The following MMP28 variants were observed in gnomAD, a reference collection of about 807,000 sequenced individuals.
MMP28 encodes matrix metallopeptidase 28.
Under a neutral mutation model 60.5 loss-of-function variants are expected in MMP28, and 55 were observed. The observed-to-expected ratio is 0.91, with a 90% CI of 0.73 to 1.14. The LOEUF is 1.14. Ranked by LOEUF, MMP28 falls within the 50% of genes most tolerant of loss-of-function variation. The pLI is 0.00. For missense variants in MMP28, 686 were observed against 738.3 expected, an observed-to-expected ratio of 0.93 and a Z score of 0.82; for synonymous variants, 318 against 312.5, an observed-to-expected ratio of 1.02 and a Z score of -0.18.
rs553177885 is a variant in MMP28, at chr17:35,784,010, C to T, written c.112-4687G>A. The stretch of plus-strand genomic sequence containing the variant: ...CTATAAAAGCACTGAAGTGGCTGTG[C>T]GTAGTCATGCCTGTAATACCAGCAC... On this transcript the variant is annotated intron_variant, in intron 1 of 7. Transcript: ENST00000605424. Among the ~76,000 whole-genome samples the T allele has an allele frequency of 2.9e-4, 44 of 152,112 alleles. 1 individual carries two copies. Among genetic ancestry groups the T allele is most frequent in the African/African-American group, 1.1e-3 (44 of 41,488 alleles).
chr17:35,782,728 C>G (rs2086540951), intron 1 of MMP28, among the ~76,000 whole-genome samples: 1 of 152,152 alleles, frequency 6.6e-6, no homozygotes, highest in African/African-American at 2.4e-5. Context: ...ATTTCCTGCT[C>G]AAAATCGTGT....
chr17:35,795,383 C>G lies in MMP28; in HGVS notation c.-6G>C. ...AGGCCGACGCGCGCGACCATCTCGC[C>G]GCCTCCGGTGCAGCCCGGCTCGGGG... On this transcript the variant is annotated 5_prime_UTR_variant, in exon 1 of 8. Transcript: ENST00000605424. 7.0e-7 allele frequency: 1 copy of G among 1,431,262 alleles called. No individual in the cohort carries two copies. Among genetic ancestry groups the G allele is most frequent in the South Asian group, 1.4e-5 (1 of 69,034 alleles). 88.7% of individuals were successfully genotyped at this position (1,431,262 alleles called of 1,614,324 possible).
intron 1 of MMP28, among the ~76,000 whole-genome samples, chr17:35,790,136 G>A (rs1053063715): frequency 4.3e-5 from 6 of 140,108 alleles, no homozygotes; most frequent in South Asian, 2.3e-4. Flanking sequence ...GCGTGATCTC[G>A]GCTCACTGCA....
Position 35,766,945 on chromosome 17 carries a change from C to T in MMP28, c.1169-51G>A. 2 of 1,504,716 alleles carry T rather than the reference C, an allele frequency of 1.3e-6. No individual in the cohort carries two copies. The highest frequency in any genetic ancestry group is 1.8e-6 in the Non-Finnish European group (2 of 1,112,238). The allele number at this position is 1,504,716 out of a possible 1,614,324, so 93.2% of individuals were successfully genotyped here. On this transcript the variant is annotated intron_variant, in intron 7 of 7. Transcript: ENST00000605424. This position sits in a 1 kb window ranked among gnomAD's most constrained non-coding sequence, Gnocchi z 4.3. The stretch of plus-strand genomic sequence containing the variant: ...TGAGCTGGAGGCTGTCACCCATTGG[C>T]CCTCTACCCCACTTCTGTCCCCCAT...
chr17:35,773,434 A>C (rs1331495846), intron 3 of MMP28, 30 bp from the exon 4 acceptor site: 3 of 1,546,320 alleles, frequency 1.9e-6, no homozygotes, highest in Non-Finnish European at 2.6e-6. Flanking sequence ...CGTCAGTCAC[A>C]CCTGCTGCAG....
At chr17:35,771,737 AT>A (rs2086158275) in intron 4 of MMP28, among the ~76,000 whole-genome samples, 8 of 72,492 alleles carry the variant, frequency 1.1e-4, no homozygotes, top group East Asian at 5.7e-4. Flanking sequence ...ATATATATAT[AT>A]ATATATATAT....
At chr17:35,775,856 A>G (rs1330070924) in intron 3 of MMP28, among the ~76,000 whole-genome samples, 1 of 152,190 alleles carries the variant, frequency 6.6e-6, no homozygotes, top group Non-Finnish European at 1.5e-5. Context: ...GGTACCTGCA[A>G]TGAGGTTGCC....
At chr17:35,785,869 T>C (rs1555610345) in intron 1 of MMP28, among the ~76,000 whole-genome samples, 2 of 152,200 alleles carry the variant, frequency 1.3e-5, no homozygotes, top group African/African-American at 4.8e-5. Context: ...TGTGCCCCAA[T>C]GTATAAAATG....
At chr17:35,759,624 C>T (rs2085780952) in intron 2 of MMP28, among the ~76,000 whole-genome samples, 2 of 152,074 alleles carry the variant, frequency 1.3e-5, no homozygotes, top group South Asian at 2.1e-4. Flanking sequence ...TTGCTTGAAC[C>T]CGGGAGGCAG....
chr17:35,764,170 G>A, downstream of MMP28: 1 of 1,548,674 alleles, frequency 6.5e-7, no homozygotes, highest in Non-Finnish European at 8.7e-7. Flanking sequence ...TAGCGGAGGA[G>A]GGCGAAGGCC....
At chr17:35,776,096 G>A (rs1412476401) in intron 3 of MMP28, among the ~76,000 whole-genome samples, 3 of 151,838 alleles carry the variant, frequency 2.0e-5, no homozygotes, top group African/African-American at 2.4e-5. Context: ...GGATGGTCTC[G>A]ATCTCCTGAC....
At chr17:35,790,181 A>G (rs1568203714) in intron 1 of MMP28, among the ~76,000 whole-genome samples, 2 of 147,488 alleles carry the variant, frequency 1.4e-5, no homozygotes, top group African/African-American at 5.1e-5. Flanking sequence ...ATTCTGCCTC[A>G]GCCTCCTGAC....
intron 4 of MMP28, 116 bp downstream of exon 4, chr17:35,773,064 G>T: frequency 1.2e-6 from 1 of 846,752 alleles, no homozygotes; most frequent in Non-Finnish European, 1.8e-6. Context: ...TCTCTGCAGG[G>T]AGATGTGCCT....
intron 1 of MMP28, among the ~76,000 whole-genome samples, chr17:35,780,068 T>TTTTA (rs1264129736): frequency 6.6e-6 from 1 of 152,102 alleles, no homozygotes; most frequent in Non-Finnish European, 1.5e-5. Flanking sequence ...TATTTATTTA[T>TTTTA]TTTATTTATT....
At chr17:35,763,566 G>A (rs899718300), downstream of MMP28, among the ~76,000 whole-genome samples, 76 of 151,280 alleles carry the variant, frequency 5.0e-4, no homozygotes, top group African/African-American at 1.7e-3. Context: ...GATTACAGGC[G>A]TGAGCCACCA....
intron 3 of MMP28, among the ~76,000 whole-genome samples, chr17:35,777,984 C>T (rs1421422405): frequency 1.3e-5 from 2 of 152,140 alleles, no homozygotes; most frequent in Admixed American, 6.5e-5. Context: ...GCTGAGATTG[C>T]GCCACTGACT....
rs774749484 is a variant in MMP28 at position 35,767,786 on chromosome 17, C to T, written c.1134G>A (p.Val378=). The change falls in exon 7 of 8, where the codon GTG becomes GTA. Residue 378 remains valine (V), a synonymous_variant. Coordinates refer to ENST00000605424, the MANE Select transcript of MMP28 (RefSeq NM_024302.5). ...GLPPNIEAAA[V]SLNDGDFYFF... Reference sequence around the variant, plus strand: ...AGTAGAAATCTCCATCATTCAATGACACTGCCGCAGCCTCAATGTTGGGGG... The same window carrying T: ...AGTAGAAATCTCCATCATTCAATGATACTGCCGCAGCCTCAATGTTGGGGG... 1.7e-5 allele frequency: 27 copies of T among 1,584,508 alleles called. 1 individual carries two copies. The Middle Eastern group carries it at 8.3e-4, about 48-fold the overall frequency.
intron 1 of MMP28, among the ~76,000 whole-genome samples, chr17:35,783,165 T>C (rs934835626): frequency 3.9e-5 from 6 of 152,218 alleles, no homozygotes; most frequent in Admixed American, 3.9e-4. Flanking sequence ...AGCCCCTCTT[T>C]CTTTATCCAC....
intron 2 of MMP28, among the ~76,000 whole-genome samples, chr17:35,759,718 CA>C (rs1243126661): frequency 6.6e-6 from 1 of 151,034 alleles, no homozygotes; most frequent in African/African-American, 2.4e-5. Context: ...ACCGCCCCCC[CA>C]AAAAAGATTC....
Sources: allele counts gnomAD v4.1 joint callset (sites outside exome capture counted in the v4.1 genomes callset), GRCh38; gene constraint gnomAD v4.1.1; non-coding constraint Gnocchi (gnomAD v3.1); transcripts MANE v1.5; gene names NCBI Gene and HGNC (gene_info 2026-07-23, HGNC 2026-07-21).